FAP: variants seen among roughly 807,000 people sequenced by gnomAD.
FAP encodes the protein prolyl endopeptidase FAP.
A neutral mutation model predicts 126.5 loss-of-function variants in FAP; 110 were observed. The ratio of observed to expected loss-of-function variants is 0.87; its 90% CI spans 0.74 to 1.02. The LOEUF is 1.02. Ranked by LOEUF, FAP falls within the 50% of genes least tolerant of loss-of-function variation. FAP has a pLI of 0.00. For missense variants in FAP, 919 were observed against 909.2 expected (o/e 1.01, Z -0.14); for synonymous variants, 334 against 297.3 (o/e 1.12, Z -1.27).
chr2:162,189,641 T>C lies in FAP; in HGVS notation c.1549+15A>G, dbSNP rs1009282555. On this transcript the variant is annotated intron_variant, in intron 18 of 25. Transcript: ENST00000188790. ...GCTTCATATCTATAAATGAGAAGTT[T>C]TTAAAAGATCTTACTAATTTCATCT... is the stretch of plus-strand genomic sequence containing the variant. 8.4e-6 allele frequency: 12 copies of C among 1,424,310 alleles called. No individual in the cohort carries two copies. In the African/African-American group the frequency reaches 1.3e-4, roughly 15 times the overall value. 88.2% of individuals were successfully genotyped at this position (1,424,310 alleles called of 1,614,324 possible).
intron 15 of FAP, among the ~76,000 whole-genome samples, chr2:162,199,565 G>A (rs1001735370): frequency 2.0e-5 from 3 of 152,166 alleles, no homozygotes; most frequent in Admixed American, 6.5e-5. Flanking sequence ...GACCTTATCC[G>A]ACACCCTCAG....
intron 6 of FAP, among the ~76,000 whole-genome samples, chr2:162,222,739 C>T (rs1201115318): frequency 6.6e-6 from 1 of 152,116 alleles, no homozygotes; most frequent in Admixed American, 6.5e-5. Context: ...TTATTGTCAT[C>T]AGAAAGAAAG....
At chr2:162,237,965 T>C (rs1398711046) in intron 2 of FAP, among the ~76,000 whole-genome samples, 1 of 152,252 alleles carries the variant, frequency 6.6e-6, no homozygotes, top group Admixed American at 6.5e-5. Context: ...TGAGCTTTTT[T>C]TCATAAGTTT....
intron 15 of FAP, among the ~76,000 whole-genome samples, chr2:162,200,112 A>C (rs1219371487): frequency 3.9e-5 from 6 of 152,242 alleles, no homozygotes. Context: ...GCACCATTTC[A>C]GTCCTCAAGG....
At chr2:162,229,555 T>G (rs867031794) in intron 2 of FAP, among the ~76,000 whole-genome samples, 6 of 152,134 alleles carry the variant, frequency 3.9e-5, no homozygotes, top group African/African-American at 1.4e-4. Context: ...AAATCATAAG[T>G]GCAATTTGTA....
intron 21 of FAP, among the ~76,000 whole-genome samples, chr2:162,182,636 C>T (rs1687730446): frequency 6.6e-6 from 1 of 152,166 alleles, no homozygotes; most frequent in Non-Finnish European, 1.5e-5. Context: ...AAAAACAACC[C>T]AGGCACAAAT....
At position 162,189,136 on chromosome 2, in the gene FAP, T is replaced by C; in HGVS notation, c.1586A>G (p.Asp529Gly). The change falls in exon 19 of 26, where the codon GAC (aspartate) becomes GGC (glycine). Residue 529 changes from aspartate to glycine, a missense_variant. Coordinates refer to ENST00000188790, the MANE Select transcript of FAP (RefSeq NM_004460.5). ...TAGCAAGGGATACTTCTTTGATCTGTCAAATTGAGGAGGAAGAATCATCTT... is the reference window on the plus strand; with the variant it reads ...TAGCAAGGGATACTTCTTTGATCTGCCAAATTGAGGAGGAAGAATCATCTT... ...WYKMILPPQF[D>G]RSKKYPLLIQ... is the part of the protein sequence containing the mutation. 6.2e-7 allele frequency: 1 copy of C among 1,603,800 alleles called. No individual in the cohort carries two copies. The highest frequency in any genetic ancestry group is 8.5e-7 in the Non-Finnish European group (1 of 1,174,500).
At chr2:162,185,428 A>G (rs1376129278) in intron 20 of FAP, among the ~76,000 whole-genome samples, 1 of 152,140 alleles carries the variant, frequency 6.6e-6, no homozygotes, top group Non-Finnish European at 1.5e-5. Flanking sequence ...AATATACTCC[A>G]AATGAGCAAA....
chr2:162,226,123 C>A (rs192980330), intron 3 of FAP, among the ~76,000 whole-genome samples: 16 of 152,214 alleles, frequency 1.1e-4, no homozygotes, highest in Non-Finnish European at 1.8e-4. Context: ...GATTTCATGA[C>A]CCTTAAAGGG....
chr2:162,214,801 A>C (rs765172639), intron 10 of FAP, among the ~76,000 whole-genome samples: 4 of 151,986 alleles, frequency 2.6e-5, no homozygotes, highest in Non-Finnish European at 4.4e-5. Context: ...CAGTTACTTA[A>C]CTCTTCTATT....
intron 21 of FAP, among the ~76,000 whole-genome samples, chr2:162,182,604 G>A (rs1473155729): frequency 3.9e-5 from 6 of 152,066 alleles, no homozygotes; most frequent in African/African-American, 1.2e-4. Context: ...CGTGCAGGCC[G>A]CTCTCAGAGA....
Position 162,243,443 on chromosome 2 carries a change from G to T in FAP, c.-116C>A. ...CTTTGTAGTTGGAAGCTGAAGCCAG[G>T]ACAAGGTTTTTTTCTTTCCACGGAC... On this transcript the variant is annotated 5_prime_UTR_variant, in exon 1 of 26. Transcript: ENST00000188790. The T allele has an allele frequency of 3.6e-6, 5 of 1,399,206 alleles. No homozygotes were observed. Among genetic ancestry groups the T allele is most frequent in the South Asian group, 1.5e-5 (1 of 66,844 alleles). 86.7% of individuals were successfully genotyped at this position (1,399,206 alleles called of 1,614,324 possible). A position where few individuals can be genotyped will look rare whatever the true frequency, so the allele number is the denominator to read the frequency against.
In FAP at chr2:162,217,992, G is replaced by A. The variant is rs182212460; in HGVS notation, c.756C>T (p.Tyr252=). 14 of 1,575,332 alleles carry A rather than the reference G, an allele frequency of 8.9e-6. No homozygotes were observed. The highest frequency in any genetic ancestry group is 4.6e-5 in the East Asian group (2 of 43,078). The change falls in exon 9 of 26, where the codon TAC becomes TAT. Residue 252 remains tyrosine, a synonymous_variant. Transcript: ENST00000188790. ...CTGAAAGTATTCAACATACCTTTGG[G>A]TATGGAATATTTATTGTTCTAGGAT... ...EQYPRTINIP[Y]PKAGAKNPVV...
In FAP at chr2:162,218,153, T is replaced by C. The variant is rs1238290622; in HGVS notation, c.608-13A>G. The C allele has an allele frequency of 6.4e-7, 1 of 1,554,364 alleles. No individual in the cohort carries two copies. The highest frequency in any genetic ancestry group is 1.9e-5 in the Admixed American group (1 of 53,320). On this transcript the variant is annotated splice_polypyrimidine_tract_variant and intron_variant, in intron 8 of 25. Coordinates refer to ENST00000188790, the MANE Select transcript of FAP (RefSeq NM_004460.5). ...GCAAGCATTTCCTCTGAAAAATAAGTACTAGGATATTAACTATAATTACAT... is the reference window on the plus strand; with the variant it reads ...GCAAGCATTTCCTCTGAAAAATAAGCACTAGGATATTAACTATAATTACAT...
intron 2 of FAP, among the ~76,000 whole-genome samples, chr2:162,231,404 T>C (rs1559794485): frequency 6.6e-6 from 1 of 152,216 alleles, no homozygotes; most frequent in Non-Finnish European, 1.5e-5. Flanking sequence ...AGCTTTGACA[T>C]CTATAATTTT....
chr2:162,175,852 T>C (rs989172578), intron 21 of FAP: 3 of 152,124 alleles, frequency 2.0e-5, no homozygotes, highest in African/African-American at 7.2e-5. Context: ...GTTTGGTCTG[T>C]ACAAACATGC....
At chr2:162,206,437 T>A (rs1371410625) in intron 12 of FAP, among the ~76,000 whole-genome samples, 1 of 152,248 alleles carries the variant, frequency 6.6e-6, no homozygotes, top group Non-Finnish European at 1.5e-5. Flanking sequence ...TTGCCATAGC[T>A]GTTAAATGAC....
chr2:162,172,989 T>C, intron 24 of FAP, 105 bp from the exon 25 acceptor site: 1 of 1,130,576 alleles, frequency 8.8e-7, no homozygotes, highest in Admixed American at 1.7e-5. Flanking sequence ...AGTCATGCAT[T>C]TGACATTGTC....
intron 21 of FAP, among the ~76,000 whole-genome samples, chr2:162,182,894 G>C (rs1687741604): frequency 6.6e-6 from 1 of 152,096 alleles, no homozygotes; most frequent in Non-Finnish European, 1.5e-5. Context: ...AAACTAAATA[G>C]TACTTTTCTC....
Sources: allele counts gnomAD v4.1 joint callset (sites outside exome capture counted in the v4.1 genomes callset), GRCh38; gene constraint gnomAD v4.1.1; transcripts MANE v1.5; gene names NCBI Gene and HGNC (gene_info 2026-07-23, HGNC 2026-07-21).